The following JCAD variants were observed in gnomAD, a reference collection of about 807,000 sequenced individuals.
JCAD encodes junctional cadherin 5-associated protein.
Under a neutral mutation model 98.0 loss-of-function variants are expected in JCAD, and 40 were observed. The ratio of observed to expected loss-of-function variants is 0.41; its 90% CI spans 0.32 to 0.53. The LOEUF is 0.53. Ranked by LOEUF, JCAD falls within the 20% of genes least tolerant of loss-of-function variation. JCAD has a pLI of 0.31. For missense variants in JCAD, 1,705 were observed against 1,738.1 expected (o/e 0.98, Z 0.34); for synonymous variants, 691 against 682.3 (o/e 1.01, Z -0.20).
chr10:30,063,152 GAA>G (rs34177789), upstream of JCAD, among the ~76,000 whole-genome samples: 146 of 145,886 alleles, frequency 1.0e-3, 3 homozygotes, highest in South Asian at 4.2e-3. Flanking sequence ...TTAAACACAG[GAA>G]AAAAAAAAAA....
intron 1 of JCAD, among the ~76,000 whole-genome samples, chr10:30,088,147 T>G (rs1838195821): frequency 1.3e-5 from 2 of 152,210 alleles, no homozygotes; most frequent in Non-Finnish European, 2.9e-5. Flanking sequence ...CTGACTTCTA[T>G]AAATTTTTAC....
At position 30,099,877 on chromosome 10, in the gene JCAD, C is replaced by T. The variant is rs140530431; in HGVS notation, n.128+15490G>A. Among the ~76,000 whole-genome samples, 199 of 152,222 alleles carry T rather than the reference C, an allele frequency of 1.3e-3. 1 individual carries two copies. Among genetic ancestry groups the T allele is most frequent in the African/African-American group, 4.6e-3 (190 of 41,544 alleles). ...TCACTTGCTCCACCCTGACTCATTG[C>T]GATTACCGGCTCCACTCTAACTCAT... On this transcript the variant is annotated intron_variant and non_coding_transcript_variant, in intron 1 of 2. Coordinates refer to the JCAD transcript ENST00000465712.
intron 2 of JCAD, among the ~76,000 whole-genome samples, chr10:30,042,429 A>T (rs1254884986): frequency 6.6e-6 from 1 of 151,976 alleles, no homozygotes; most frequent in Non-Finnish European, 1.5e-5. Flanking sequence ...CTGAAACTCA[A>T]TTTTTTCAAA....
At chr10:30,073,457 A>G (rs1381166330) in intron 1 of JCAD, among the ~76,000 whole-genome samples, 1 of 152,226 alleles carries the variant, frequency 6.6e-6, no homozygotes, top group Non-Finnish European at 1.5e-5. Flanking sequence ...GGCACTCTAC[A>G]AACGGGAGGT....
intron 2 of JCAD, among the ~76,000 whole-genome samples, chr10:30,045,769 T>G (rs142311697): frequency 1.1e-3 from 160 of 152,318 alleles, no homozygotes; most frequent in Middle Eastern, 3.4e-3. Context: ...TCATTGTGAT[T>G]TTCCCCCCTG....
At position 30,026,105 on chromosome 10, in the gene JCAD, G is replaced by A. The variant is rs1357049161; in HGVS notation, c.4043C>T (p.Pro1348Leu). ...TGCCTGTCTGCCTGATTCCTCACCT[G>A]GGCACCAGAAGTCTTGATCCATGCT... ...EKSMDQDFWCPDSYDPSRVER... is the reference protein window; with the variant it reads ...EKSMDQDFWCLDSYDPSRVER... The change falls in exon 3 of 4, where the codon CCA (proline) becomes CTA (leucine). Residue 1348 changes from proline to leucine, a missense_variant and splice_region_variant. Pro to Leu is a moderately conservative substitution (Grantham distance 98). This residue lies in a region of JCAD where 1,278 missense variants were observed against 1,243.1 expected (regional missense o/e 1.03). Coordinates refer to ENST00000375377, the MANE Select transcript of JCAD (RefSeq NM_020848.4). 7 of 1,613,954 alleles carry A rather than the reference G, an allele frequency of 4.3e-6. No homozygotes were observed. In the African/African-American group the frequency reaches 6.7e-5, roughly 15 times the overall value.
chr10:30,091,257 A>T (rs1404408932), intron 1 of JCAD, among the ~76,000 whole-genome samples: 3 of 152,186 alleles, frequency 2.0e-5, no homozygotes, highest in Non-Finnish European at 4.4e-5. Flanking sequence ...TTTGTCTTTA[A>T]AGGAAGCTCT....
intron 2 of JCAD, 139 bp downstream of exon 2, chr10:30,047,391 CAA>C (rs1383640756): frequency 9.5e-7 from 1 of 1,048,412 alleles, no homozygotes; most frequent in Admixed American, 2.7e-5. Flanking sequence ...AAACAAAAAG[CAA>C]AAAAAGTGTT....
rs776274958 is a variant in JCAD, at chr10:30,014,677, ACCGAGATG to A, written c.*3198_*3205del. 6.6e-6 allele frequency: 1 copy of A among 152,156 alleles called. No homozygotes were observed. Among genetic ancestry groups the A allele is most frequent in the Non-Finnish European group, 1.5e-5 (1 of 68,040 alleles). The allele number at this position is 152,156 out of a possible 1,614,324, so 9.4% of individuals were successfully genotyped here. On this transcript the variant is annotated 3_prime_UTR_variant, in exon 4 of 4. Coordinates refer to ENST00000375377, the MANE Select transcript of JCAD (RefSeq NM_020848.4). ...CATCCTTTTTCTTCAGAAGCCCCAAACCGAGATGCTGTCAGAATAAGTCATTTTGCTGC... is the reference window on the plus strand; with the variant it reads ...CATCCTTTTTCTTCAGAAGCCCCAAACTGTCAGAATAAGTCATTTTGCTGC...
intron 2 of JCAD, 142 bp downstream of exon 2, chr10:30,047,390 G>A (rs1162058458): frequency 2.3e-5 from 24 of 1,032,962 alleles, no homozygotes; most frequent in Non-Finnish European, 3.1e-5. Flanking sequence ...AAAACAAAAA[G>A]CAAAAAAAGT....
At chr10:30,044,927 C>T (rs1837306887) in intron 2 of JCAD, 2 of 275,758 alleles carry the variant, frequency 7.3e-6, no homozygotes, top group Non-Finnish European at 1.1e-5. Context: ...TATGCATTTG[C>T]TATTTCTACC....
intron 1 of JCAD, among the ~76,000 whole-genome samples, chr10:30,108,253 A>G (rs901581200): frequency 6.6e-5 from 10 of 152,028 alleles, no homozygotes; most frequent in Admixed American, 3.3e-4. Context: ...TGGAGGTTGC[A>G]GTGAGCTGAG....
Position 30,029,853 on chromosome 10 carries a change from G to A in JCAD, c.295C>T (p.Pro99Ser), listed in dbSNP as rs750602347. The A allele has an allele frequency of 1.2e-6, 2 of 1,613,462 alleles. No homozygotes were observed. Among genetic ancestry groups the A allele is most frequent in the Non-Finnish European group, 1.7e-6 (2 of 1,179,782 alleles). ...GGATGAGAGGACCATGCTGAGGGGG[G>A]TTGATTACAAAACCTACAAAACAAA... Reference protein sequence around the residue: ...RTSEAGFCNQPPSAWSSHPPT... With the variant: ...RTSEAGFCNQSPSAWSSHPPT... Residue 99 changes from proline (P) to serine (S), a missense_variant, in exon 3 of 4, where the codon CCC becomes TCC. By Grantham distance (74) the Pro-to-Ser change is moderately conservative. This residue lies in a region of JCAD where 152 missense variants were observed against 148.0 expected (regional missense o/e 1.03). Transcript: ENST00000375377.
intron 1 of JCAD, among the ~76,000 whole-genome samples, chr10:30,071,576 G>A (rs886524195): frequency 6.6e-6 from 1 of 152,064 alleles, no homozygotes; most frequent in African/African-American, 2.4e-5. Flanking sequence ...AGGCCGAGGC[G>A]GGCAGATAAG....
In JCAD at chr10:30,029,181, C is replaced by T. The variant is rs751089273; in HGVS notation, c.967G>A (p.Val323Ile). The T allele has an allele frequency of 6.2e-7, 1 of 1,614,178 alleles. No individual in the cohort carries two copies. The highest frequency in any genetic ancestry group is 8.5e-7 in the Non-Finnish European group (1 of 1,180,046). Residue 323 changes from valine (V) to isoleucine (I), a missense_variant, in exon 3 of 4, where the codon GTC (valine) becomes ATC (isoleucine). By Grantham distance (29) the Val-to-Ile change is conservative (BLOSUM62 3). Around this residue, in one of 3 missense-constraint regions of JCAD, gnomAD observed 275 missense variants for 346.9 expected, o/e 0.79. Transcript: ENST00000375377. ...SQDSQQMDAY[V>I]PRHELCLSDP... ...GACAGGCAGAGCTCATGCCTGGGGA[C>T]ATAGGCGTCCATCTGCTGGCTGTCC...
At chr10:30,080,153 A>G (rs1325396257) in intron 1 of JCAD, among the ~76,000 whole-genome samples, 1 of 152,212 alleles carries the variant, frequency 6.6e-6, no homozygotes, top group African/African-American at 2.4e-5. Context: ...AAAAAAAATT[A>G]AAAGTTCCTT....
Position 30,017,499 on chromosome 10 carries a change from C to T in JCAD, c.*384G>A. On this transcript the variant is annotated 3_prime_UTR_variant, in exon 4 of 4. Coordinates refer to ENST00000375377, the MANE Select transcript of JCAD (RefSeq NM_020848.4). ...GGCCATGGAGACACAGAGGGGAGCA[C>T]ACCATTCACAGGCCTTTCCAAAGCA... 1 of 306,392 alleles carries T rather than the reference C, an allele frequency of 3.3e-6. No homozygotes were observed. Among genetic ancestry groups the T allele is most frequent in the South Asian group, 3.3e-5 (1 of 30,572 alleles). The allele number at this position is 306,392 out of a possible 1,614,324, so 19.0% of individuals were successfully genotyped here. A position where few individuals can be genotyped will look rare whatever the true frequency, so the allele number is the denominator to read the frequency against.
In JCAD at chr10:30,017,827, C is replaced by T. The variant is rs2132598314; in HGVS notation, c.*56G>A. On this transcript the variant is annotated 3_prime_UTR_variant, in exon 4 of 4. Transcript: ENST00000375377. ...AAGTGGGGCTGATAGACTAAATCTA[C>T]CAGCTACTTGAGAATACTCAATTCG... 1 of 1,497,408 alleles carries T rather than the reference C, an allele frequency of 6.7e-7. No homozygotes were observed. The highest frequency in any genetic ancestry group is 9.3e-7 in the Non-Finnish European group (1 of 1,073,176). 92.8% of individuals were successfully genotyped at this position (1,497,408 alleles called of 1,614,324 possible). A position where few individuals can be genotyped will look rare whatever the true frequency, so the allele number is the denominator to read the frequency against.
chr10:30,039,542 G>A (rs1343075274), intron 2 of JCAD, among the ~76,000 whole-genome samples: 1 of 152,328 alleles, frequency 6.6e-6, no homozygotes, highest in African/African-American at 2.4e-5. Flanking sequence ...CCTAACTTGA[G>A]GAAGAAAAGG....
Sources: allele counts gnomAD v4.1 joint callset (sites outside exome capture counted in the v4.1 genomes callset), GRCh38; gene constraint gnomAD v4.1.1; regional missense constraint gnomAD v4.1.1; transcripts MANE v1.5; gene names NCBI Gene and HGNC (gene_info 2026-07-23, HGNC 2026-07-21).